ZNF813: variants seen among roughly 807,000 people sequenced by gnomAD.
ZNF813 encodes the protein zinc finger protein 813.
Under a neutral mutation model 7.2 loss-of-function variants are expected in ZNF813, and 3 were observed. The observed-to-expected ratio is 0.42, with a 90% CI of 0.19 to 1.08. ZNF813 has a LOEUF of 1.08. ZNF813 is among the 50% of genes least tolerant of loss of function. The pLI, the probability that ZNF813 is intolerant of heterozygous loss-of-function variation, is 0.30. For missense variants in ZNF813, 714 were observed against 753.3 expected (o/e 0.95, Z 0.61); for synonymous variants, 227 against 256.3 (o/e 0.89, Z 1.09).
chr19:53,472,022 G>A (rs1319942025), intron 1 of ZNF813, among the ~76,000 whole-genome samples: 3 of 152,066 alleles, frequency 2.0e-5, no homozygotes, highest in African/African-American at 7.2e-5. Flanking sequence ...TGATGCTCTC[G>A]TAACTTCTAG....
At chr19:53,474,842 A>AT (rs1568827640) in intron 1 of ZNF813, among the ~76,000 whole-genome samples, 2 of 152,104 alleles carry the variant, frequency 1.3e-5, no homozygotes, top group South Asian at 2.1e-4. Flanking sequence ...CTTTTAATAT[A>AT]TTTTTTATCT....
chr19:53,474,958 G>A lies in ZNF813; in HGVS notation c.-74+7169G>A, dbSNP rs2086375578. On this transcript the variant is annotated intron_variant, in intron 1 of 3. Coordinates refer to ENST00000396403, the MANE Select transcript of ZNF813 (RefSeq NM_001004301.4). The stretch of plus-strand genomic sequence containing the variant: ...TAAGGCTTCCTCTTTAAAATGCAGC[G>A]TGATCATTGCTGCCTGCTTTGCCTC... Among the ~76,000 whole-genome samples, 7 of 152,266 alleles carry A rather than the reference G, an allele frequency of 4.6e-5. 1 individual carries two copies. The South Asian group carries it at 8.3e-4, about 18-fold the overall frequency.
chr19:53,485,610 T>C (rs1031713112), intron 2 of ZNF813, among the ~76,000 whole-genome samples: 3 of 77,188 alleles, frequency 3.9e-5, no homozygotes, highest in Admixed American at 2.8e-4. Context: ...ATATATATCG[T>C]GATATATACA....
Position 53,472,613 on chromosome 19 carries a change from T to C in ZNF813, c.-74+4824T>C, listed in dbSNP as rs2086364936. Among the ~76,000 whole-genome samples, 7 of 142,858 alleles carry C rather than the reference T, an allele frequency of 4.9e-5. No individual in the cohort carries two copies. In the East Asian group the frequency reaches 1.3e-3, roughly 26 times the overall value. 93.7% of individuals were successfully genotyped at this position (142,858 alleles called of 152,430 possible). On this transcript the variant is annotated intron_variant, in intron 1 of 3. Transcript: ENST00000396403. ...TCTGATTATAAGTACAAGTCTTTCTTTTTTTTTTTTTTTTTTGAGATGGAG... is the reference window on the plus strand; with the variant it reads ...TCTGATTATAAGTACAAGTCTTTCTCTTTTTTTTTTTTTTTTGAGATGGAG...
In ZNF813 at chr19:53,493,051, G is replaced by C; in HGVS notation, c.*965G>C. 1 of 401,408 alleles carries C rather than the reference G, an allele frequency of 2.5e-6. No individual in the cohort carries two copies. The highest frequency in any genetic ancestry group is 7.1e-5 in the East Asian group (1 of 14,168). 24.9% of individuals were successfully genotyped at this position (401,408 alleles called of 1,614,324 possible). On this transcript the variant is annotated 3_prime_UTR_variant, in exon 4 of 4. Coordinates refer to ENST00000396403, the MANE Select transcript of ZNF813 (RefSeq NM_001004301.4). ...TTGAGATAATTGTTCCAAATGCAAT[G>C]AGTAGAGCAAACCATCAAGCAGTAA... is the stretch of plus-strand genomic sequence containing the variant.
rs925099938 is a variant in ZNF813 at position 53,486,998 on chromosome 19, T to A, written c.142+240T>A. Among the ~76,000 whole-genome samples the A allele has an allele frequency of 1.3e-3, 196 of 151,494 alleles. 1 individual carries two copies. Among genetic ancestry groups the A allele is most frequent in the South Asian group, 5.4e-3 (26 of 4,786 alleles). On this transcript the variant is annotated intron_variant, in intron 3 of 3. Transcript: ENST00000396403. ...CTTTTTTAGTTTTTTTTTTTTTTTT[T>A]TTTTTTAGAGAATGTTCTTACTGCG...
Position 53,490,932 on chromosome 19 carries a change from C to A in ZNF813, c.700C>A (p.Gln234Lys). 1 of 1,614,066 alleles carries A rather than the reference C, an allele frequency of 6.2e-7. No individual in the cohort carries two copies. Among genetic ancestry groups the A allele is most frequent in the Non-Finnish European group, 8.5e-7 (1 of 1,179,970 alleles). ...TTATAGCTCACTCTTAAGGAAACATCAAATAATCCATTTAGGAGAGAAACA... is the reference window on the plus strand; with the variant it reads ...TTATAGCTCACTCTTAAGGAAACATAAAATAATCCATTTAGGAGAGAAACA... ...FNYSSLLRKH[Q>K]IIHLGEKQYK... Residue 234 changes from glutamine to lysine, a missense_variant, in exon 4 of 4, where the codon CAA (glutamine) becomes AAA (lysine). Gln to Lys is a moderately conservative substitution (Grantham distance 53). Coordinates refer to ENST00000396403, the MANE Select transcript of ZNF813 (RefSeq NM_001004301.4).
intron 1 of ZNF813, among the ~76,000 whole-genome samples, chr19:53,476,876 A>G (rs62115395): frequency 6.6e-6 from 1 of 151,810 alleles, no homozygotes; most frequent in Non-Finnish European, 1.5e-5. Context: ...GTTAACCAGG[A>G]TGGTCTCGAT....
intron 2 of ZNF813, among the ~76,000 whole-genome samples, chr19:53,484,836 G>A (rs1055536072): frequency 2.6e-5 from 4 of 152,246 alleles, no homozygotes; most frequent in Non-Finnish European, 4.4e-5. Flanking sequence ...AGAGTGCTGG[G>A]ATTACAGGTG....
intron 1 of ZNF813, among the ~76,000 whole-genome samples, chr19:53,478,343 A>G (rs2086391501): frequency 6.7e-6 from 1 of 149,148 alleles, no homozygotes; most frequent in Admixed American, 6.7e-5. Flanking sequence ...CAAGTATTGT[A>G]TTTTTTTTTT....
Position 53,492,251 on chromosome 19 carries a change from C to A in ZNF813, c.*165C>A. The A allele has an allele frequency of 2.0e-6, 2 of 988,000 alleles. No individual in the cohort carries two copies. Among genetic ancestry groups the A allele is most frequent in the Non-Finnish European group, 3.0e-6 (2 of 657,258 alleles). The allele number at this position is 988,000 out of a possible 1,614,324, so 61.2% of individuals were successfully genotyped here. A position where few individuals can be genotyped will look rare whatever the true frequency, so the allele number is the denominator to read the frequency against. On this transcript the variant is annotated 3_prime_UTR_variant, in exon 4 of 4. Coordinates refer to ENST00000396403, the MANE Select transcript of ZNF813 (RefSeq NM_001004301.4). ...GCAAAATTTTTAATCAACAAGCACA[C>A]CTTCCACGTCATCATAGACTTCATA...
At chr19:53,474,594 C>A (rs2147155262) in intron 1 of ZNF813, among the ~76,000 whole-genome samples, 1 of 152,006 alleles carries the variant, frequency 6.6e-6, no homozygotes, top group South Asian at 2.1e-4. Context: ...GAGGCTGAGG[C>A]AGAAGAAACA....
At chr19:53,476,244 G>T (rs1307501285) in intron 1 of ZNF813, among the ~76,000 whole-genome samples, 3 of 152,174 alleles carry the variant, frequency 2.0e-5, no homozygotes, top group South Asian at 2.1e-4. Flanking sequence ...GATTGGGGCC[G>T]GCAAAAGAAG....
chr19:53,486,884 C>G (rs2086436937), intron 3 of ZNF813, 126 bp downstream of exon 3: 7 of 1,519,032 alleles, frequency 4.6e-6, no homozygotes, highest in Non-Finnish European at 4.4e-6. Flanking sequence ...TCATGGCTCA[C>G]TGCGATCTTG....
chr19:53,480,859 G>C (rs973504128), intron 1 of ZNF813, among the ~76,000 whole-genome samples: 5 of 152,132 alleles, frequency 3.3e-5, no homozygotes, highest in Non-Finnish European at 7.3e-5. Context: ...CAGGCCATGG[G>C]GGCTACGAAC....
intron 2 of ZNF813, 30 bp downstream of exon 2, chr19:53,483,867 G>T (rs1341079098): frequency 6.2e-7 from 1 of 1,613,982 alleles, no homozygotes; most frequent in South Asian, 1.1e-5. Context: ...GGATTGTTCT[G>T]TCTCCTTCCC....
Position 53,492,920 on chromosome 19 carries a change from C to A in ZNF813, c.*834C>A. 2.1e-6 allele frequency: 1 copy of A among 483,050 alleles called. No homozygotes were observed. The allele number at this position is 483,050 out of a possible 1,614,324, so 29.9% of individuals were successfully genotyped here. On this transcript the variant is annotated 3_prime_UTR_variant, in exon 4 of 4. Transcript: ENST00000396403. ...AGCCTTTACTTCACGTTCACACCTC[C>A]TTAGACATCAGAGAATGCACACTGG...
At chr19:53,475,604 A>G (rs1256921890) in intron 1 of ZNF813, among the ~76,000 whole-genome samples, 2 of 152,260 alleles carry the variant, frequency 1.3e-5, no homozygotes, top group Admixed American at 6.5e-5. Context: ...TCTTTGATCC[A>G]TCAAAGTTAT....
intron 2 of ZNF813, among the ~76,000 whole-genome samples, chr19:53,486,395 G>A (rs2086434019): frequency 6.6e-6 from 1 of 151,364 alleles, no homozygotes; most frequent in South Asian, 2.1e-4. Flanking sequence ...TGCAGTGAGT[G>A]GAGACTGTGC....
Sources: allele counts gnomAD v4.1 joint callset (sites outside exome capture counted in the v4.1 genomes callset), GRCh38; gene constraint gnomAD v4.1.1; transcripts MANE v1.5; gene names NCBI Gene and HGNC (gene_info 2026-07-23, HGNC 2026-07-21).